The following MECOM variants were observed in gnomAD, a reference collection of about 807,000 sequenced individuals.
The protein encoded by MECOM is histone-lysine N-methyltransferase MECOM.
MECOM carries 13 observed loss-of-function variants against 116.3 expected under a neutral mutation model. The observed-to-expected ratio is 0.11, with a 90% confidence interval of 0.07 to 0.18. MECOM has a LOEUF of 0.18. Ranked by LOEUF, MECOM falls within the 10% of genes least tolerant of loss-of-function variation. The pLI is 1.00. For missense variants in MECOM, 1,299 were observed against 1,509.0 expected (o/e 0.86, Z 2.31); for synonymous variants, 528 against 535.2 (o/e 0.99, Z 0.19).
intron 16 of MECOM, among the ~76,000 whole-genome samples, chr3:169,088,052 T>C (rs764245778): frequency 3.3e-5 from 5 of 152,214 alleles, no homozygotes; most frequent in Admixed American, 3.3e-4. Flanking sequence ...CCTTGGGATA[T>C]TATTACATTT....
At chr3:169,224,973 A>G (rs574054716) in intron 2 of MECOM, among the ~76,000 whole-genome samples, 1 of 152,318 alleles carries the variant, frequency 6.6e-6, no homozygotes, top group African/African-American at 2.4e-5. Context: ...TCTTTTTTAA[A>G]AAAATTCACA....
At chr3:169,569,121 G>A (rs1217223318) in intron 1 of MECOM, among the ~76,000 whole-genome samples, 4 of 151,668 alleles carry the variant, frequency 2.6e-5, no homozygotes, top group Non-Finnish European at 5.9e-5. Flanking sequence ...GATACACATA[G>A]GCTCAAAATA....
chr3:169,321,430 C>T (rs545478642), intron 2 of MECOM, among the ~76,000 whole-genome samples: 25 of 152,174 alleles, frequency 1.6e-4, no homozygotes, highest in Middle Eastern at 3.4e-3. Context: ...CTCACAGCTA[C>T]TTGGGAGGCT....
At chr3:169,327,107 G>A (rs376737091) in intron 2 of MECOM, among the ~76,000 whole-genome samples, 3 of 152,162 alleles carry the variant, frequency 2.0e-5, no homozygotes, top group East Asian at 1.9e-4. Flanking sequence ...AGGGTCAGAT[G>A]CAAAAGGCTT....
rs185568254 is a variant in MECOM at position 169,425,144 on chromosome 3, C to T, written c.38-43620G>A. ...GCCTCAGATAACCAGTTGGAATCAA[C>T]GAAAATTTATAAGCTTACAGAATAA... On this transcript the variant is annotated intron_variant, in intron 1 of 16. Transcript: ENST00000651503. Among the ~76,000 whole-genome samples the T allele has an allele frequency of 2.1e-3, 317 of 148,766 alleles. 3 individuals carry two copies. The highest frequency in any genetic ancestry group is 7.1e-3 in the African/African-American group (286 of 40,338).
chr3:169,098,859 G>C (rs371979477), intron 12 of MECOM, among the ~76,000 whole-genome samples: 1 of 151,972 alleles, frequency 6.6e-6, no homozygotes, highest in Admixed American at 6.6e-5. Flanking sequence ...AAGAGTTCTA[G>C]ATTTATTAAA....
At chr3:169,576,672 C>A (rs750169069) in intron 1 of MECOM, among the ~76,000 whole-genome samples, 14 of 152,038 alleles carry the variant, frequency 9.2e-5, no homozygotes, top group Non-Finnish European at 1.8e-4. Context: ...CTATGGTAGT[C>A]ATTTAAAATG....
At chr3:169,212,959 TA>T (rs1750963569) in intron 2 of MECOM, among the ~76,000 whole-genome samples, 1 of 151,736 alleles carries the variant, frequency 6.6e-6, no homozygotes, top group African/African-American at 2.4e-5. Context: ...CCTCCACCTT[TA>T]AAGCAGTCCC....
chr3:169,321,377 T>C (rs76579795), intron 2 of MECOM, among the ~76,000 whole-genome samples: 2,407 of 152,060 alleles, frequency 0.016, 63 homozygotes, highest in East Asian at 0.11. Context: ...CAGTCTCTAC[T>C]ATAAATCCCA....
At chr3:169,391,708 T>C (rs1382727496) in intron 1 of MECOM, among the ~76,000 whole-genome samples, 2 of 152,198 alleles carry the variant, frequency 1.3e-5, no homozygotes, top group Admixed American at 6.5e-5. Flanking sequence ...AATTTCAACA[T>C]TGCTAAGTGG....
chr3:169,635,451 A>C (rs1472375907), intron 1 of MECOM, among the ~76,000 whole-genome samples: 1 of 152,156 alleles, frequency 6.6e-6, no homozygotes, highest in Non-Finnish European at 1.5e-5. Context: ...TTTTAGCCTC[A>C]TCTCCCATTG....
intron 1 of MECOM, among the ~76,000 whole-genome samples, chr3:169,519,642 G>T (rs4577512): frequency 6.6e-6 from 1 of 152,044 alleles, no homozygotes; most frequent in Non-Finnish European, 1.5e-5. Flanking sequence ...AAGGCAGAAC[G>T]AGCATGGCCT....
intron 2 of MECOM, among the ~76,000 whole-genome samples, chr3:169,244,263 A>G (rs1352675205): frequency 1.3e-5 from 2 of 152,186 alleles, no homozygotes; most frequent in Non-Finnish European, 2.9e-5. Context: ...CTCTGGAGTA[A>G]TAGATTAATT....
intron 1 of MECOM, among the ~76,000 whole-genome samples, chr3:169,610,929 G>A (rs1158735383): frequency 6.6e-6 from 1 of 152,174 alleles, no homozygotes; most frequent in Non-Finnish European, 1.5e-5. Flanking sequence ...TAATGATAGG[G>A]CTAAGGATGG....
At chr3:169,285,533 C>T (rs868689944) in intron 2 of MECOM, among the ~76,000 whole-genome samples, 6 of 152,148 alleles carry the variant, frequency 3.9e-5, no homozygotes, top group Non-Finnish European at 7.3e-5. Flanking sequence ...TCCGAACTTC[C>T]TTCATATCTG....
chr3:169,443,211 C>G (rs1168771055), intron 1 of MECOM, among the ~76,000 whole-genome samples: 2 of 152,194 alleles, frequency 1.3e-5, no homozygotes, highest in East Asian at 3.8e-4. Flanking sequence ...GGGGTCTCTT[C>G]CCTGTGAGCA....
chr3:169,365,250 A>C (rs572924706), intron 2 of MECOM, among the ~76,000 whole-genome samples: 3 of 152,190 alleles, frequency 2.0e-5, no homozygotes, highest in African/African-American at 7.2e-5. Context: ...GCAATAGCTA[A>C]AGACGGATAT....
chr3:169,149,935 CTGTGTGTGTGTGTGTGTGTG>C (rs58944452), intron 2 of MECOM, among the ~76,000 whole-genome samples: 11 of 131,240 alleles, frequency 8.4e-5, no homozygotes, highest in Admixed American at 1.5e-4. Flanking sequence ...TTCTCTCTCT[CTGTGTGTGTGTGTGTGTGTG>C]TGTGTGTGTG....
intron 1 of MECOM, among the ~76,000 whole-genome samples, chr3:169,458,192 G>T (rs1746833767): frequency 6.6e-6 from 1 of 152,192 alleles, no homozygotes; most frequent in Non-Finnish European, 1.5e-5. Flanking sequence ...CTAGGAGCAA[G>T]TCTTTTTCTT....
Sources: gnomAD v4.1 joint callset for allele counts (sites outside exome capture counted in the v4.1 genomes callset) on GRCh38, gnomAD v4.1.1 for gene constraint, MANE v1.5 for transcripts, NCBI Gene and HGNC (gene_info 2026-07-23, HGNC 2026-07-21) for gene names.